The following ITGA8 variants were observed in gnomAD, a reference collection of about 807,000 sequenced individuals.
ITGA8 encodes the protein integrin subunit alpha 8.
In ITGA8, 91 loss-of-function variants were observed where a neutral mutation model predicts 142.3. The ratio of observed to expected loss-of-function variants is 0.64; its 90% CI spans 0.54 to 0.76. The LOEUF is 0.76. Among genes scored for constraint, ITGA8 ranks in the 30% least tolerant of loss-of-function variants. ITGA8 has a pLI of 0.00. For missense variants in ITGA8, 1,406 were observed against 1,327.7 expected (o/e 1.06, Z -0.92); for synonymous variants, 505 against 485.2 (o/e 1.04, Z -0.54).
At chr10:15,523,553 C>T (rs1833107785) in intron 28 of ITGA8, among the ~76,000 whole-genome samples, 1 of 152,070 alleles carries the variant, frequency 6.6e-6, no homozygotes, top group African/African-American at 2.4e-5. Flanking sequence ...TTCCCAAATT[C>T]TGAAATTCTC....
chr10:15,648,820 T>TCAAAAGATATCCGTGTAC (rs1834034785), intron 11 of ITGA8, among the ~76,000 whole-genome samples: 1 of 152,234 alleles, frequency 6.6e-6, no homozygotes, highest in Admixed American at 6.5e-5. Context: ...GTACTTCCTA[T>TCAAAAGATATCCGTGTAC]GTTTAAGGTA....
chr10:15,657,045 A>G (rs1834197990), intron 10 of ITGA8, among the ~76,000 whole-genome samples: 1 of 152,220 alleles, frequency 6.6e-6, no homozygotes, highest in Non-Finnish European at 1.5e-5. Context: ...TGTTCCAAAC[A>G]TAGATAGTGA....
intron 2 of ITGA8, among the ~76,000 whole-genome samples, chr10:15,698,544 C>T (rs1835099300): frequency 6.6e-6 from 1 of 152,178 alleles, no homozygotes; most frequent in South Asian, 2.1e-4. Flanking sequence ...TAAAAGTGTT[C>T]CCTTTTCACA....
Position 15,614,891 on chromosome 10 carries a change from T to C in ITGA8, c.1446-1124A>G, listed in dbSNP as rs190466493. 1.9e-4 allele frequency among the ~76,000 whole-genome samples: 29 copies of C among 152,198 alleles called. 1 individual carries two copies. The East Asian group carries it at 5.4e-3, about 28-fold the overall frequency. ...AAGCAGGTGATAAAACGGAACTAGATATGCAAGAGATATACTGGGATCAAA... is the reference window on the plus strand; with the variant it reads ...AAGCAGGTGATAAAACGGAACTAGACATGCAAGAGATATACTGGGATCAAA... On this transcript the variant is annotated intron_variant, in intron 14 of 29. Coordinates refer to ENST00000378076, the MANE Select transcript of ITGA8 (RefSeq NM_003638.3).
At chr10:15,676,651 C>A (rs1327518759) in intron 6 of ITGA8, among the ~76,000 whole-genome samples, 1 of 152,160 alleles carries the variant, frequency 6.6e-6, no homozygotes, top group African/African-American at 2.4e-5. Context: ...TTGGCAGAGC[C>A]TCAACACATT....
chr10:15,691,917 C>T (rs184503378), intron 2 of ITGA8, among the ~76,000 whole-genome samples: 1 of 152,176 alleles, frequency 6.6e-6, no homozygotes, highest in Non-Finnish European at 1.5e-5. Context: ...TAGATCAAAA[C>T]ATTACATTGT....
chr10:15,702,177 CTA>C (rs1204106759), intron 2 of ITGA8, among the ~76,000 whole-genome samples: 1 of 152,008 alleles, frequency 6.6e-6, no homozygotes, highest in East Asian at 1.9e-4. Context: ...ATTTTATGAT[CTA>C]TATCACGTAT....
At chr10:15,619,621 T>C (rs903786510) in intron 13 of ITGA8, among the ~76,000 whole-genome samples, 1 of 152,220 alleles carries the variant, frequency 6.6e-6, no homozygotes, top group African/African-American at 2.4e-5. Context: ...AAAATTATAA[T>C]GATAAATTCT....
intron 25 of ITGA8, among the ~76,000 whole-genome samples, chr10:15,558,624 G>A (rs1317232875): frequency 1.3e-5 from 2 of 152,180 alleles, no homozygotes; most frequent in African/African-American, 4.8e-5. Context: ...ACAGAATAGT[G>A]AGGTGCCAAC....
At chr10:15,531,357 T>G (rs1362289076) in intron 27 of ITGA8, among the ~76,000 whole-genome samples, 1 of 152,094 alleles carries the variant, frequency 6.6e-6, no homozygotes, top group African/African-American at 2.4e-5. Flanking sequence ...CATCCATCCA[T>G]CTAAGCGTCG....
At chr10:15,523,307 A>G (rs1833103548) in intron 28 of ITGA8, among the ~76,000 whole-genome samples, 1 of 152,230 alleles carries the variant, frequency 6.6e-6, no homozygotes, top group Admixed American at 6.5e-5. Flanking sequence ...GAGCTAACAA[A>G]GACATTTAAA....
intron 23 of ITGA8, among the ~76,000 whole-genome samples, chr10:15,585,764 T>A (rs932163524): frequency 3.3e-5 from 5 of 152,150 alleles, no homozygotes; most frequent in Non-Finnish European, 7.3e-5. Context: ...CCTTGACCCT[T>A]TTCCCCCGTC....
chr10:15,606,132 G>T (rs1466522290), intron 18 of ITGA8, among the ~76,000 whole-genome samples, 153 bp downstream of exon 18: 1 of 152,136 alleles, frequency 6.6e-6, no homozygotes, highest in Non-Finnish European at 1.5e-5. Flanking sequence ...ATCATGCAGT[G>T]TTTCAGGAAA....
At chr10:15,648,798 A>G (rs1834033944) in intron 11 of ITGA8, among the ~76,000 whole-genome samples, 1 of 152,212 alleles carries the variant, frequency 6.6e-6, no homozygotes, top group African/African-American at 2.4e-5. Context: ...TCTGAATCAA[A>G]AGATATCCTG....
At chr10:15,607,962 A>G in intron 16 of ITGA8, 131 bp from the exon 17 acceptor site, 4 of 756,210 alleles carry the variant, frequency 5.3e-6, no homozygotes, top group Non-Finnish European at 8.5e-6. Context: ...AGCATGATAA[A>G]TGAGCTGGAA....
In ITGA8 at chr10:15,607,840, C is replaced by G; in HGVS notation, c.1610-9G>C. On this transcript the variant is annotated splice_polypyrimidine_tract_variant and intron_variant, in intron 16 of 29. Transcript: ENST00000378076. ...CACCTCTGCCATCAAGACTAAAGGACAGAAGTAAAGTAGAGAAAAAGTATT... is the reference window on the plus strand; with the variant it reads ...CACCTCTGCCATCAAGACTAAAGGAGAGAAGTAAAGTAGAGAAAAAGTATT... 6.2e-7 allele frequency: 1 copy of G among 1,611,602 alleles called. No homozygotes were observed. Among genetic ancestry groups the G allele is most frequent in the Non-Finnish European group, 8.5e-7 (1 of 1,178,332 alleles).
At chr10:15,537,898 A>G (rs779928942) in intron 27 of ITGA8, among the ~76,000 whole-genome samples, 13 of 152,080 alleles carry the variant, frequency 8.5e-5, no homozygotes, top group Non-Finnish European at 1.5e-4. Context: ...CAAGAGGATC[A>G]CTTGAACCCA....
At chr10:15,584,568 A>G (rs1231260398) in intron 23 of ITGA8, among the ~76,000 whole-genome samples, 1 of 152,220 alleles carries the variant, frequency 6.6e-6, no homozygotes, top group Admixed American at 6.5e-5. Flanking sequence ...AAGTATTTTG[A>G]AAAAGAGTTT....
chr10:15,649,185 A>G (rs1170678830), intron 11 of ITGA8, among the ~76,000 whole-genome samples: 2 of 152,180 alleles, frequency 1.3e-5, no homozygotes, highest in African/African-American at 2.4e-5. Context: ...AATTTATTGT[A>G]AAAGTAAAAT....
Sources: allele counts gnomAD v4.1 joint callset (sites outside exome capture counted in the v4.1 genomes callset), GRCh38; gene constraint gnomAD v4.1.1; transcripts MANE v1.5; gene names NCBI Gene and HGNC (gene_info 2026-07-23, HGNC 2026-07-21).